PHF21B: variants seen among roughly 807,000 people sequenced by gnomAD.
The protein encoded by PHF21B is PHD finger protein 21B, also known as PHD finger protein 4.
Under a neutral mutation model 62.2 loss-of-function variants are expected in PHF21B, and 22 were observed. The ratio of observed to expected loss-of-function variants is 0.35; its 90% CI spans 0.25 to 0.51. PHF21B has a LOEUF of 0.51. Ranked by LOEUF, PHF21B falls within the 20% of genes least tolerant of loss-of-function variation. The pLI, the probability that PHF21B is intolerant of heterozygous loss-of-function variation, is 0.97. For synonymous variants in PHF21B, 341 were observed against 314.7 expected (o/e 1.08, Z -0.88); for missense variants, 701 against 707.9 (o/e 0.99, Z 0.11).
chr22:44,944,621 C>T (rs111405358), intron 2 of PHF21B, among the ~76,000 whole-genome samples: 11,617 of 152,240 alleles, frequency 0.076, 521 homozygotes, highest in South Asian at 0.11. Flanking sequence ...CAGCAAATGA[C>T]GCATCACAGG....
intron 5 of PHF21B, among the ~76,000 whole-genome samples, chr22:44,903,799 A>G (rs2071202813): frequency 6.6e-6 from 1 of 152,212 alleles, no homozygotes; most frequent in Non-Finnish European, 1.5e-5. Flanking sequence ...TTACATTAAT[A>G]TGTCTTTTTC....
rs2071799452 is a variant in PHF21B at position 44,934,184 on chromosome 22, G to A, written c.121-13694C>T. Among the ~76,000 whole-genome samples, 4 of 152,282 alleles carry A rather than the reference G, an allele frequency of 2.6e-5. No homozygotes were observed. The South Asian group carries it at 8.3e-4, about 32-fold the overall frequency. On this transcript the variant is annotated intron_variant, in intron 2 of 12. Transcript: ENST00000313237. ...GCAGGGGGCCTTTGCACGGGGCTCAGAGTCCCATCGGCCACTTCCTCCTGA... is the reference window on the plus strand; with the variant it reads ...GCAGGGGGCCTTTGCACGGGGCTCAAAGTCCCATCGGCCACTTCCTCCTGA...
At chr22:44,957,950 T>A (rs1417503692) in intron 2 of PHF21B, among the ~76,000 whole-genome samples, 1 of 151,368 alleles carries the variant, frequency 6.6e-6, no homozygotes, top group Admixed American at 6.6e-5. Flanking sequence ...TTGCCCAGGC[T>A]GGAGTGCAAT....
chr22:44,947,651 C>T (rs529209270), intron 2 of PHF21B, among the ~76,000 whole-genome samples: 92 of 152,302 alleles, frequency 6.0e-4, no homozygotes, highest in African/African-American at 2.2e-3. Flanking sequence ...CTGTGGGGAC[C>T]AGAGTGTGAA....
chr22:44,932,148 C>T (rs2147341755), intron 2 of PHF21B, among the ~76,000 whole-genome samples: 1 of 152,316 alleles, frequency 6.6e-6, no homozygotes, highest in Non-Finnish European at 1.5e-5. Context: ...GTTAGTTTTC[C>T]CTCTACTCAT....
rs560482327 is a variant in PHF21B at position 44,947,510 on chromosome 22, C to T, written c.121-27020G>A. 1.2e-3 allele frequency among the ~76,000 whole-genome samples: 177 copies of T among 152,358 alleles called. 1 individual carries two copies. The highest frequency in any genetic ancestry group is 2.1e-3 in the Non-Finnish European group (142 of 68,036). On this transcript the variant is annotated intron_variant, in intron 2 of 12. Coordinates refer to ENST00000313237, the MANE Select transcript of PHF21B (RefSeq NM_138415.5). ...ATGAATGGCCTGGCAGAGGGAAGGG[C>T]TCTGGGCCCTCCAGGTGTGCTGGGT...
chr22:44,896,740 A>AGTGAT (rs2071063598), intron 5 of PHF21B, among the ~76,000 whole-genome samples: 2 of 152,036 alleles, frequency 1.3e-5, no homozygotes, highest in South Asian at 4.1e-4. Context: ...CCTCATTTCT[A>AGTGAT]GTGATCCTAG....
intron 3 of PHF21B, 45 bp downstream of exon 3, chr22:44,920,353 G>T: frequency 6.7e-7 from 1 of 1,497,080 alleles, no homozygotes; most frequent in Non-Finnish European, 9.1e-7. Flanking sequence ...GAGACTGCGG[G>T]GACAGACAGA....
At position 44,944,550 on chromosome 22, in the gene PHF21B, G is replaced by A. The variant is rs116647982; in HGVS notation, c.121-24060C>T. Among the ~76,000 whole-genome samples, 376 of 152,274 alleles carry A rather than the reference G, an allele frequency of 2.5e-3. 3 individuals carry two copies. Among genetic ancestry groups the A allele is most frequent in the African/African-American group, 8.7e-3 (360 of 41,550 alleles). On this transcript the variant is annotated intron_variant, in intron 2 of 12. Transcript: ENST00000313237. ...ACAAATTAGGAACCCCACAGCCGGC[G>A]TCAGCAGAGTTTGGGAATTTCCTAA...
At chr22:44,949,560 G>A (rs950040181) in intron 2 of PHF21B, among the ~76,000 whole-genome samples, 2 of 152,124 alleles carry the variant, frequency 1.3e-5, no homozygotes, top group African/African-American at 4.8e-5. Flanking sequence ...GGTTGAATAC[G>A]TCGCACAAGT....
At chr22:44,967,496 C>T (rs1327803090) in intron 2 of PHF21B, among the ~76,000 whole-genome samples, 2 of 152,194 alleles carry the variant, frequency 1.3e-5, no homozygotes, top group Non-Finnish European at 2.9e-5. Context: ...GCTGGGATTA[C>T]AGGCGTGAGC....
intron 2 of PHF21B, among the ~76,000 whole-genome samples, chr22:44,928,467 T>C (rs927530688): frequency 5.3e-5 from 8 of 152,182 alleles, no homozygotes; most frequent in Non-Finnish European, 1.5e-5. Context: ...TGCAGTGCAA[T>C]AGCGTGATCT....
intron 2 of PHF21B, among the ~76,000 whole-genome samples, chr22:44,932,594 C>T (rs1293652911): frequency 6.6e-6 from 1 of 152,254 alleles, no homozygotes; most frequent in Non-Finnish European, 1.5e-5. Flanking sequence ...TCACACAGTC[C>T]CGCTGGCCTC....
At chr22:44,886,219 C>A (rs1341508850) in intron 10 of PHF21B, among the ~76,000 whole-genome samples, 1 of 152,042 alleles carries the variant, frequency 6.6e-6, no homozygotes, top group Non-Finnish European at 1.5e-5. Flanking sequence ...GATCACCTGT[C>A]TTCCTCCCAC....
chr22:44,909,319 G>A (rs549530269), intron 5 of PHF21B, among the ~76,000 whole-genome samples: 7 of 152,346 alleles, frequency 4.6e-5, no homozygotes, highest in Middle Eastern at 3.4e-3. Flanking sequence ...TATTAAGGGT[G>A]CAGCTGAACC....
chr22:44,892,819 G>C (rs987925319), intron 7 of PHF21B, among the ~76,000 whole-genome samples: 5 of 152,204 alleles, frequency 3.3e-5, no homozygotes, highest in African/African-American at 1.2e-4. Context: ...GCAGGAAGGT[G>C]TCATTTATGA....
chr22:44,896,182 A>G, intron 5 of PHF21B, 99 bp from the exon 6 acceptor site: 1 of 1,327,350 alleles, frequency 7.5e-7, no homozygotes, highest in East Asian at 2.3e-5. Flanking sequence ...GCGATACCTC[A>G]TGGGTGCCCT....
chr22:44,914,969 C>A (rs2147299882), intron 4 of PHF21B, among the ~76,000 whole-genome samples: 1 of 152,346 alleles, frequency 6.6e-6, no homozygotes, highest in East Asian at 1.9e-4. Context: ...CAGGATCCAT[C>A]AGCCACAGTC....
At chr22:44,994,234 T>C (rs2073084415) in intron 2 of PHF21B, among the ~76,000 whole-genome samples, 2 of 152,156 alleles carry the variant, frequency 1.3e-5, no homozygotes, top group Admixed American at 6.5e-5. Context: ...ATGACCTTAT[T>C]TGGAAATAGG....
Sources: allele counts gnomAD v4.1 joint callset (sites outside exome capture counted in the v4.1 genomes callset), GRCh38; gene constraint gnomAD v4.1.1; transcripts MANE v1.5; gene names NCBI Gene and HGNC (gene_info 2026-07-23, HGNC 2026-07-21).